Variants in NCOA2 observed in about 807,000 individuals in gnomAD.
NCOA2 encodes the protein nuclear receptor coactivator 2.
Under a neutral mutation model 145.1 loss-of-function variants are expected in NCOA2, and 21 were observed. The observed-to-expected ratio is 0.14, with a 90% CI of 0.10 to 0.21. The LOEUF is 0.21. Among genes scored for constraint, NCOA2 ranks in the 10% least tolerant of loss-of-function variants. The pLI is 1.00. For synonymous variants in NCOA2, 619 were observed against 637.5 expected (o/e 0.97, Z 0.44); for missense variants, 1,472 against 1,837.6 (o/e 0.80, Z 3.64).
intron 1 of NCOA2, among the ~76,000 whole-genome samples, chr8:70,399,740 C>T (rs1195136235): frequency 1.3e-5 from 2 of 152,248 alleles, no homozygotes; most frequent in Non-Finnish European, 2.9e-5. Flanking sequence ...AGGGCACATG[C>T]TGTGCATTTC....
intron 1 of NCOA2, among the ~76,000 whole-genome samples, chr8:70,338,361 A>T (rs1807822435): frequency 6.6e-6 from 1 of 152,168 alleles, no homozygotes; most frequent in Non-Finnish European, 1.5e-5. Context: ...AAATTCCTGG[A>T]CACATACACC....
intron 4 of NCOA2, among the ~76,000 whole-genome samples, chr8:70,177,023 G>C (rs984997005): frequency 2.6e-5 from 4 of 152,178 alleles, no homozygotes; most frequent in Non-Finnish European, 5.9e-5. Context: ...CTTCAGTGTT[G>C]CAGCAGTCCA....
chr8:70,176,259 G>A, intron 4 of NCOA2, among the ~76,000 whole-genome samples: 1 of 152,210 alleles, frequency 6.6e-6, no homozygotes, highest in Admixed American at 6.5e-5. Flanking sequence ...ATCATAAGCA[G>A]ACTGTATCTG....
intron 1 of NCOA2, among the ~76,000 whole-genome samples, chr8:70,395,258 C>T (rs1027900243): frequency 6.6e-6 from 1 of 152,172 alleles, no homozygotes; most frequent in Non-Finnish European, 1.5e-5. Context: ...TATCATTCCA[C>T]CCTGATGTCA....
At chr8:70,398,439 T>G (rs1054669712) in intron 1 of NCOA2, among the ~76,000 whole-genome samples, 3 of 152,140 alleles carry the variant, frequency 2.0e-5, no homozygotes, top group African/African-American at 7.2e-5. Flanking sequence ...CCAGCCTGGA[T>G]GACAGAGCGA....
intron 2 of NCOA2, among the ~76,000 whole-genome samples, chr8:70,219,178 A>G: frequency 6.6e-6 from 1 of 152,300 alleles, no homozygotes; most frequent in African/African-American, 2.4e-5. Flanking sequence ...AGTATAGTAA[A>G]ATCATTTGAG....
At chr8:70,361,108 T>C (rs1390267341) in intron 1 of NCOA2, among the ~76,000 whole-genome samples, 1 of 152,212 alleles carries the variant, frequency 6.6e-6, no homozygotes, top group Non-Finnish European at 1.5e-5. Context: ...TAACTTTGCA[T>C]TGTTAAATAA....
intron 3 of NCOA2, among the ~76,000 whole-genome samples, chr8:70,215,576 C>T (rs1819529859): frequency 6.6e-6 from 1 of 152,148 alleles, no homozygotes; most frequent in Non-Finnish European, 1.5e-5. Context: ...TGGTGTTTTG[C>T]CCTTTCTCCT....
At position 70,124,913 on chromosome 8, in the gene NCOA2, T is replaced by C. The variant is rs199974404; in HGVS notation, c.3917-48A>G. ...GAAATCCAAAAGAGACTGTTAGTTA[T>C]ATTGTAGAGACTGGTGGGGGGGAAA... On this transcript the variant is annotated intron_variant, in intron 19 of 22. Transcript: ENST00000452400. 1.3e-4 allele frequency: 190 copies of C among 1,503,188 alleles called. 1 individual carries two copies. The highest frequency in any genetic ancestry group is 8.0e-6 in the Non-Finnish European group (9 of 1,122,464). The allele number at this position is 1,503,188 out of a possible 1,614,324, so 93.1% of individuals were successfully genotyped here.
At chr8:70,449,668 A>G in the NCOA2 span, among the ~76,000 whole-genome samples, 1 of 152,218 alleles carries the variant, frequency 6.6e-6, no homozygotes, top group Non-Finnish European at 1.5e-5. Context: ...CAGCATCTGC[A>G]GAGACCTGAG....
At chr8:70,287,662 G>A (rs1826334673) in intron 2 of NCOA2, among the ~76,000 whole-genome samples, 2 of 152,116 alleles carry the variant, frequency 1.3e-5, no homozygotes, top group Non-Finnish European at 1.5e-5. Context: ...TTGAAGCCAC[G>A]AAACAGCATA....
chr8:70,158,386 T>G (rs943693398), intron 10 of NCOA2, among the ~76,000 whole-genome samples: 10 of 152,252 alleles, frequency 6.6e-5, no homozygotes, highest in African/African-American at 2.4e-4. Context: ...GCTTATGACA[T>G]TTATTTAAAA....
chr8:70,351,984 T>TA (rs35825351), intron 1 of NCOA2, among the ~76,000 whole-genome samples: 15,969 of 151,724 alleles, frequency 0.11, 1,280 homozygotes, highest in East Asian at 0.4. Context: ...ATTTTTTTTT[T>TA]AAAAAAGGAA....
At chr8:70,217,216 G>A (rs1044618887) in intron 2 of NCOA2, among the ~76,000 whole-genome samples, 6 of 152,190 alleles carry the variant, frequency 3.9e-5, no homozygotes, top group African/African-American at 1.2e-4. Context: ...GACAGCCCGG[G>A]GAAGAGCCAG....
chr8:70,178,140 A>T (rs571027059), intron 4 of NCOA2, among the ~76,000 whole-genome samples: 97 of 152,360 alleles, frequency 6.4e-4, no homozygotes, highest in Middle Eastern at 6.8e-3. Flanking sequence ...CTAAGTCTTC[A>T]TGCCTGGGTA....
intron 1 of NCOA2, among the ~76,000 whole-genome samples, chr8:70,308,469 A>T (rs1828057230): frequency 6.6e-6 from 1 of 152,100 alleles, no homozygotes; most frequent in Non-Finnish European, 1.5e-5. Context: ...GTATTTATAC[A>T]TACACATATA....
intron 2 of NCOA2, among the ~76,000 whole-genome samples, chr8:70,248,649 C>A (rs1822823851): frequency 6.6e-6 from 1 of 151,994 alleles, no homozygotes; most frequent in Non-Finnish European, 1.5e-5. Flanking sequence ...CTACGCATAT[C>A]CTCTCATATA....
intron 21 of NCOA2, among the ~76,000 whole-genome samples, chr8:70,122,614 T>C (rs957926676): frequency 6.6e-6 from 1 of 152,190 alleles, no homozygotes; most frequent in African/African-American, 2.4e-5. Context: ...TTAACTGCCA[T>C]CAATTCAACA....
chr8:70,155,994 TCTC>T lies in NCOA2; in HGVS notation c.2368_2370del (p.Glu790del), dbSNP rs1342077100. On this transcript the variant is annotated inframe_deletion, in exon 11 of 23. Transcript: ENST00000452400. The stretch of plus-strand genomic sequence containing the variant: ...ACCTGGTCACCAGGCTCAAAGCTCA[TCTC>T]CTCCTTCTCAGTTTTCATTGCTATT... 8.8e-6 allele frequency: 14 copies of T among 1,589,234 alleles called. No individual in the cohort carries two copies. Among genetic ancestry groups the T allele is most frequent in the Non-Finnish European group, 1.2e-5 (14 of 1,169,282 alleles).
Sources: gnomAD v4.1 joint callset for allele counts (sites outside exome capture counted in the v4.1 genomes callset) on GRCh38, gnomAD v4.1.1 for gene constraint, MANE v1.5 for transcripts, NCBI Gene and HGNC (gene_info 2026-07-23, HGNC 2026-07-21) for gene names.